The following RNF214 variants were observed in gnomAD, a reference collection of about 807,000 sequenced individuals.
RNF214 encodes the protein ring finger protein 214.
Under a neutral mutation model 75.9 loss-of-function variants are expected in RNF214, and 25 were observed. That is an observed-to-expected ratio of 0.33 (90% CI 0.24 to 0.46). The LOEUF (loss-of-function observed/expected upper bound fraction) is 0.46. Among genes scored for constraint, RNF214 ranks in the 20% least tolerant of loss-of-function variants. RNF214 has a pLI of 1.00. For missense variants in RNF214, 725 were observed against 857.5 expected (o/e 0.85, Z 1.93); for synonymous variants, 314 against 308.8 (o/e 1.02, Z -0.18).
At chr11:117,283,054 A>G (rs2034162313) in intron 13 of RNF214, 61 bp from the exon 14 acceptor site, 1 of 1,233,096 alleles carries the variant, frequency 8.1e-7, no homozygotes, top group East Asian at 2.3e-5. Context: ...AATTATGGGC[A>G]TAAAAGGCAA....
intron 2 of RNF214, among the ~76,000 whole-genome samples, chr11:117,234,850 G>T (rs1038042915): frequency 6.6e-6 from 1 of 152,128 alleles, no homozygotes; most frequent in African/African-American, 2.4e-5. Context: ...ATATGCTGGA[G>T]ATTGGTTCCA....
chr11:117,271,901 C>G (rs1247366560), intron 6 of RNF214, among the ~76,000 whole-genome samples: 1 of 152,168 alleles, frequency 6.6e-6, no homozygotes, highest in Non-Finnish European at 1.5e-5. Flanking sequence ...TAGCCTCTAC[C>G]TCCTGGGCTT....
chr11:117,242,300 A>G (rs78970367), intron 4 of RNF214, among the ~76,000 whole-genome samples: 105 of 152,318 alleles, frequency 6.9e-4, no homozygotes, highest in African/African-American at 2.2e-3. Flanking sequence ...GCTTGTAGCA[A>G]CCAGATAAGA....
At position 117,238,892 on chromosome 11, in the gene RNF214, G is replaced by A. The variant is rs1259054760; in HGVS notation, c.399G>A (p.Arg133=). 3.1e-6 allele frequency: 5 copies of A among 1,614,196 alleles called. No individual in the cohort carries two copies. In the Admixed American group the frequency reaches 6.7e-5, roughly 22 times the overall value. ...SLRESLHPVT[R]SLKAGCHTKQ... is the part of the protein sequence containing the mutation. ...GGGAGAGCCTCCATCCAGTCACTCGGTCTCTTAAGGCAGGGTGCCATACTA... is the reference window on the plus strand; with the variant it reads ...GGGAGAGCCTCCATCCAGTCACTCGATCTCTTAAGGCAGGGTGCCATACTA... The change falls in exon 3 of 15, where the codon CGG becomes CGA. Residue 133 remains arginine, a synonymous_variant. Transcript: ENST00000300650.
At chr11:117,244,355 A>G (rs1368495996) in intron 4 of RNF214, 90 bp from the exon 5 acceptor site, 7 of 1,018,822 alleles carry the variant, frequency 6.9e-6, no homozygotes, top group Non-Finnish European at 8.9e-6. Flanking sequence ...GTGCGGTCAT[A>G]GAGCTCTATA....
chr11:117,246,809 G>A lies in RNF214; in HGVS notation c.820G>A (p.Glu274Lys), dbSNP rs1233103518. 1.3e-6 allele frequency: 2 copies of A among 1,580,428 alleles called. No homozygotes were observed. Among genetic ancestry groups the A allele is most frequent in the Non-Finnish European group, 1.7e-6 (2 of 1,163,258 alleles). The change falls in exon 6 of 15, where the codon GAG (glutamate) becomes AAG (lysine). Residue 274 changes from glutamate to lysine, a missense_variant and splice_region_variant. This residue lies in a region of RNF214 where 362 missense variants were observed against 344.5 expected (regional missense o/e 1.05). Transcript: ENST00000300650. Reference sequence around the variant, plus strand: ...GCGACTGTAATTGTGTGGAACTCAGGAGATATTAAAGGCTATTCAGGATGT... The same window carrying A: ...GCGACTGTAATTGTGTGGAACTCAGAAGATATTAAAGGCTATTCAGGATGT... ...RREEEMKNHQEILKAIQDVTI... is the reference protein window; with the variant it reads ...RREEEMKNHQKILKAIQDVTI...
At chr11:117,248,432 C>G (rs1256982229) in intron 6 of RNF214, among the ~76,000 whole-genome samples, 4 of 152,136 alleles carry the variant, frequency 2.6e-5, no homozygotes, top group African/African-American at 9.7e-5. Context: ...TGTGAATACT[C>G]GGTTGATTTT....
At chr11:117,243,676 T>C (rs2033139423) in intron 4 of RNF214, among the ~76,000 whole-genome samples, 1 of 152,138 alleles carries the variant, frequency 6.6e-6, no homozygotes, top group Non-Finnish European at 1.5e-5. Flanking sequence ...GACATGGGGG[T>C]GGCAGAGCTA....
chr11:117,234,549 A>G (rs918053698), intron 2 of RNF214, among the ~76,000 whole-genome samples, 170 bp downstream of exon 2: 3 of 152,204 alleles, frequency 2.0e-5, no homozygotes, highest in African/African-American at 7.2e-5. Context: ...AGCACCTGAT[A>G]CTCAGCAGGC....
chr11:117,262,347 G>A (rs533851667), intron 6 of RNF214, among the ~76,000 whole-genome samples: 19 of 151,408 alleles, frequency 1.3e-4, no homozygotes, highest in African/African-American at 3.4e-4. Flanking sequence ...TCGGCCTCCC[G>A]AAGTGCTGGG....
At chr11:117,258,542 T>C (rs1313650118) in intron 6 of RNF214, among the ~76,000 whole-genome samples, 1 of 152,228 alleles carries the variant, frequency 6.6e-6, no homozygotes, top group Non-Finnish European at 1.5e-5. Context: ...ATATTATTTA[T>C]TTGCATTTTT....
intron 2 of RNF214, among the ~76,000 whole-genome samples, chr11:117,235,201 CTT>C (rs2032868931): frequency 6.6e-6 from 1 of 151,960 alleles, no homozygotes; most frequent in Non-Finnish European, 1.5e-5. Flanking sequence ...ATCTATTTCA[CTT>C]TTCTTTTTTT....
intron 6 of RNF214, among the ~76,000 whole-genome samples, chr11:117,279,660 A>C (rs2034088317): frequency 6.6e-6 from 1 of 152,160 alleles, no homozygotes; most frequent in African/African-American, 2.4e-5. Flanking sequence ...TTTCAAATAT[A>C]GGGCCATTAT....
At chr11:117,240,057 A>G (rs1565328844) in intron 4 of RNF214, among the ~76,000 whole-genome samples, 197 bp downstream of exon 4, 1 of 152,230 alleles carries the variant, frequency 6.6e-6, no homozygotes, top group East Asian at 1.9e-4. Flanking sequence ...TTAAAAAAAA[A>G]AATAGCTCTT....
intron 6 of RNF214, among the ~76,000 whole-genome samples, chr11:117,254,154 C>CA (rs1245800512): frequency 6.6e-6 from 1 of 151,976 alleles, no homozygotes; most frequent in Non-Finnish European, 1.5e-5. Context: ...GAGGCTGAGA[C>CA]ACAAGAATTG....
intron 6 of RNF214, among the ~76,000 whole-genome samples, chr11:117,276,814 C>T (rs2034024343): frequency 6.6e-6 from 1 of 152,164 alleles, no homozygotes; most frequent in African/African-American, 2.4e-5. Context: ...AAGAGATGTT[C>T]AGTGAGCATC....
At chr11:117,263,144 T>A (rs2033708638) in intron 6 of RNF214, among the ~76,000 whole-genome samples, 1 of 151,882 alleles carries the variant, frequency 6.6e-6, no homozygotes, top group Non-Finnish European at 1.5e-5. Flanking sequence ...CAGTTTTTGT[T>A]TCTTATATTT....
intron 2 of RNF214, 53 bp from the exon 3 acceptor site, chr11:117,238,548 T>G: frequency 3.4e-6 from 5 of 1,469,630 alleles, no homozygotes; most frequent in Non-Finnish European, 4.6e-6. Context: ...GTTCTTCTAG[T>G]AGTTAGGTTG....
At chr11:117,283,341 C>T in intron 14 of RNF214, 131 bp downstream of exon 14, 1 of 651,306 alleles carries the variant, frequency 1.5e-6, no homozygotes, top group Non-Finnish European at 2.7e-6. Context: ...TGTTGGTGCT[C>T]ATCATTAATA....
Sources: allele counts gnomAD v4.1 joint callset (sites outside exome capture counted in the v4.1 genomes callset), GRCh38; gene constraint gnomAD v4.1.1; regional missense constraint gnomAD v4.1.1; transcripts MANE v1.5; gene names NCBI Gene and HGNC (gene_info 2026-07-23, HGNC 2026-07-21).